Variants in ADAMTSL1 observed in about 807,000 individuals in gnomAD.
ADAMTSL1 encodes ADAMTS like 1, also known as ADAMTS-like protein 1.
In ADAMTSL1, 126 loss-of-function variants were observed where a neutral mutation model predicts 201.8. The ratio of observed to expected loss-of-function variants is 0.62; its 90% CI spans 0.54 to 0.72. The LOEUF is 0.72. Ranked by LOEUF, ADAMTSL1 falls within the 30% of genes least tolerant of loss-of-function variation. The pLI is 0.00. For synonymous variants in ADAMTSL1, 1,121 were observed against 903.4 expected (o/e 1.24, Z -4.32); for missense variants, 2,679 against 2,277.8 (o/e 1.18, Z -3.59).
intron 2 of ADAMTSL1, among the ~76,000 whole-genome samples, chr9:18,180,532 C>CAAAAA (rs71333030): frequency 3.3e-5 from 3 of 92,140 alleles, no homozygotes; most frequent in African/African-American, 5.2e-5. Context: ...GACTCCGTGT[C>CAAAAA]AAAAAAAAAA....
chr9:18,343,226 G>A (rs1835551413), intron 2 of ADAMTSL1, among the ~76,000 whole-genome samples: 1 of 151,898 alleles, frequency 6.6e-6, no homozygotes, highest in Non-Finnish European at 1.5e-5. Flanking sequence ...AGGTCTTAAG[G>A]ATTTTCTTTC....
intron 23 of ADAMTSL1, among the ~76,000 whole-genome samples, chr9:18,854,682 GAA>G (rs1037954243): frequency 1.3e-5 from 2 of 152,176 alleles, no homozygotes; most frequent in Non-Finnish European, 2.9e-5. Flanking sequence ...GAAAACGAAA[GAA>G]AGAGAGTGAA....
intron 2 of ADAMTSL1, among the ~76,000 whole-genome samples, chr9:18,403,269 C>T (rs900547660): frequency 9.9e-5 from 15 of 151,892 alleles, no homozygotes; most frequent in East Asian, 3.9e-4. Context: ...CTGCAACCTT[C>T]GCCTCCTGGG....
chr9:18,659,921 A>T (rs2066255), intron 8 of ADAMTSL1, among the ~76,000 whole-genome samples: 21,324 of 65,114 alleles, frequency 0.33, 1,719 homozygotes, highest in Middle Eastern at 0.38. Context: ...GTTTTTTTTA[A>T]AAAAAAAAAT....
At chr9:18,717,692 G>A (rs1056244366) in intron 14 of ADAMTSL1, among the ~76,000 whole-genome samples, 3 of 152,188 alleles carry the variant, frequency 2.0e-5, no homozygotes, top group African/African-American at 7.2e-5. Context: ...TACAACGTGG[G>A]TGGATGAAGA....
At chr9:18,791,002 C>T (rs1030907340) in intron 19 of ADAMTSL1, among the ~76,000 whole-genome samples, 3 of 152,154 alleles carry the variant, frequency 2.0e-5, no homozygotes, top group Non-Finnish European at 2.9e-5. Flanking sequence ...TGGAAAGCAG[C>T]CCTATGTTTC....
chr9:18,841,350 C>T (rs1036123522), intron 23 of ADAMTSL1, among the ~76,000 whole-genome samples: 12 of 152,036 alleles, frequency 7.9e-5, no homozygotes, highest in African/African-American at 2.9e-4. Flanking sequence ...TATTGATTTG[C>T]ATATATTGAA....
chr9:18,520,805 T>C (rs1818644417), intron 2 of ADAMTSL1, among the ~76,000 whole-genome samples: 2 of 152,172 alleles, frequency 1.3e-5, no homozygotes, highest in Non-Finnish European at 2.9e-5. Context: ...GGCTTGTATA[T>C]CTATCTATTC....
intron 2 of ADAMTSL1, among the ~76,000 whole-genome samples, chr9:18,188,243 A>G (rs1332130282): frequency 6.6e-6 from 1 of 152,134 alleles, no homozygotes; most frequent in Non-Finnish European, 1.5e-5. Context: ...ACTTTTTCAT[A>G]TGGTTCCAGA....
At chr9:17,984,036 G>A (rs1228095470) in intron 1 of ADAMTSL1, among the ~76,000 whole-genome samples, 4 of 152,124 alleles carry the variant, frequency 2.6e-5, no homozygotes, top group Non-Finnish European at 5.9e-5. Flanking sequence ...TTTAAGGAAT[G>A]TAAGACTTTA....
intron 2 of ADAMTSL1, among the ~76,000 whole-genome samples, chr9:18,228,234 A>T (rs1344192122): frequency 6.6e-6 from 1 of 152,168 alleles, no homozygotes; most frequent in South Asian, 2.1e-4. Context: ...TTAAGGCTTG[A>T]TGATAGTTCC....
intron 2 of ADAMTSL1, among the ~76,000 whole-genome samples, chr9:18,402,828 A>G (rs1413487972): frequency 2.0e-5 from 3 of 152,200 alleles, no homozygotes; most frequent in Non-Finnish European, 4.4e-5. Context: ...CTATACCTGT[A>G]TCATGACTGC....
At chr9:18,071,206 C>A (rs2131733349) in intron 1 of ADAMTSL1, among the ~76,000 whole-genome samples, 1 of 152,326 alleles carries the variant, frequency 6.6e-6, no homozygotes, top group East Asian at 1.9e-4. Context: ...CCCATGAAAA[C>A]TGGTGAGCAG....
chr9:18,113,238 A>T (rs1470118340), intron 1 of ADAMTSL1, among the ~76,000 whole-genome samples: 5 of 152,146 alleles, frequency 3.3e-5, no homozygotes, highest in African/African-American at 1.2e-4. Context: ...ATGTCCAGGC[A>T]TTTAGGCTCT....
chr9:18,414,195 G>A (rs1453000669), intron 2 of ADAMTSL1, among the ~76,000 whole-genome samples: 3 of 152,040 alleles, frequency 2.0e-5, no homozygotes, highest in African/African-American at 7.2e-5. Flanking sequence ...CTTCAAAAGA[G>A]GTTTACCCTT....
At chr9:18,233,933 T>C (rs777930221) in intron 2 of ADAMTSL1, among the ~76,000 whole-genome samples, 7 of 152,188 alleles carry the variant, frequency 4.6e-5, no homozygotes, top group Non-Finnish European at 7.3e-5. Flanking sequence ...CTTTTAAGAA[T>C]AGGAGTGACA....
intron 1 of ADAMTSL1, among the ~76,000 whole-genome samples, chr9:17,941,405 C>A (rs965882400): frequency 1.3e-5 from 2 of 152,104 alleles, no homozygotes; most frequent in Admixed American, 1.3e-4. Context: ...GAGCATTGAT[C>A]TGGTTTTTGG....
chr9:18,822,543 C>T (rs1293435450), intron 21 of ADAMTSL1, among the ~76,000 whole-genome samples: 1 of 152,080 alleles, frequency 6.6e-6, no homozygotes, highest in Non-Finnish European at 1.5e-5. Context: ...GAATCCCCAC[C>T]CTGGCACTGG....
At chr9:18,135,856 C>A (rs535707154) in intron 1 of ADAMTSL1, among the ~76,000 whole-genome samples, 23 of 152,136 alleles carry the variant, frequency 1.5e-4, no homozygotes, top group Admixed American at 2.0e-4. Context: ...TACACTGATG[C>A]AGTGCCTTCC....
Sources: allele counts gnomAD v4.1 joint callset (sites outside exome capture counted in the v4.1 genomes callset), GRCh38; gene constraint gnomAD v4.1.1; transcripts MANE v1.5; gene names NCBI Gene and HGNC (gene_info 2026-07-23, HGNC 2026-07-21).